The following DSC3 variants were observed in gnomAD, a reference collection of about 807,000 sequenced individuals.
DSC3 encodes the protein desmocollin-3.
DSC3 carries 97 observed loss-of-function variants against 89.5 expected under a neutral mutation model. That is an observed-to-expected ratio of 1.08 (90% CI 0.92 to 1.28). The LOEUF is 1.28. DSC3 is among the 50% of genes most tolerant of loss of function. The pLI is 0.00. For missense variants in DSC3, 1,199 were observed against 1,085.3 expected (o/e 1.10, Z -1.47); for synonymous variants, 436 against 384.1 (o/e 1.14, Z -1.58).
chr18:31,024,299 T>C (rs765769470), intron 6 of DSC3, 50 bp downstream of exon 6: 2 of 1,506,648 alleles, frequency 1.3e-6, no homozygotes, highest in African/African-American at 2.8e-5. Context: ...TTTTAAAATG[T>C]ACACAGACAT....
intron 9 of DSC3, among the ~76,000 whole-genome samples, chr18:31,011,961 T>C (rs1005242117): frequency 9.5e-5 from 5 of 52,614 alleles, no homozygotes; most frequent in African/African-American, 2.6e-4. Context: ...TTAAAAGTAC[T>C]CCATCTCCAA....
chr18:31,008,056 T>G lies in DSC3; in HGVS notation c.1623A>C (p.Lys541Asn). ...GGACTGTAATATTATACAACTCATT[T>G]TTGGGAGTTTCAACCTCCCTATCCA... ...KILDREVETP[K>N]NELYNITVLA... Residue 541 changes from lysine to asparagine, a missense_variant, in exon 11 of 16, where the codon AAA (lysine) becomes AAC (asparagine). Lys to Asn is a moderately conservative substitution (Grantham distance 94). Transcript: ENST00000360428. 6.2e-7 allele frequency: 1 copy of G among 1,613,496 alleles called. No individual in the cohort carries two copies. The highest frequency in any genetic ancestry group is 8.5e-7 in the Non-Finnish European group (1 of 1,179,690).
intron 4 of DSC3, among the ~76,000 whole-genome samples, chr18:31,028,518 A>G (rs1567959934): frequency 6.6e-6 from 1 of 152,060 alleles, no homozygotes; most frequent in Non-Finnish European, 1.5e-5. Flanking sequence ...TAAACAAATA[A>G]AGTTATAATA....
Position 31,006,978 on chromosome 18 carries a change from G to A in DSC3, c.1817C>T (p.Ala606Val), listed in dbSNP as rs771789418. 1.2e-6 allele frequency: 2 copies of A among 1,613,878 alleles called. No individual in the cohort carries two copies. Among genetic ancestry groups the A allele is most frequent in the African/African-American group, 2.7e-5 (2 of 75,012 alleles). Residue 606 changes from alanine to valine, a missense_variant, in exon 12 of 16, where the codon GCT (alanine) becomes GTT (valine). Physicochemically the swap from Ala to Val is moderately conservative, Grantham distance 64 (BLOSUM62 0). Coordinates refer to ENST00000360428, the MANE Select transcript of DSC3 (RefSeq NM_001941.5). Reference sequence around the variant, plus strand: ...ATTGGGCAAACTGAAATAAAATGGAGCTCCATGGACAGGTTCATCAGGATC... The same window carrying A: ...ATTGGGCAAACTGAAATAAAATGGAACTCCATGGACAGGTTCATCAGGATC... Reference protein sequence around the residue: ...AVDPDEPVHGAPFYFSLPNTS... With the variant: ...AVDPDEPVHGVPFYFSLPNTS...
chr18:31,000,753 T>C (rs1247168036), intron 14 of DSC3, among the ~76,000 whole-genome samples: 1 of 152,120 alleles, frequency 6.6e-6, no homozygotes, highest in East Asian at 1.9e-4. Context: ...TTCTTATTCT[T>C]TAAGTTACCA....
At chr18:30,996,583 A>G (rs1258607101) in intron 15 of DSC3, among the ~76,000 whole-genome samples, 1 of 152,166 alleles carries the variant, frequency 6.6e-6, no homozygotes, top group African/African-American at 2.4e-5. Flanking sequence ...TATTTATGGG[A>G]TTTTATAAAT....
chr18:31,000,958 C>T (rs56020661), intron 14 of DSC3, among the ~76,000 whole-genome samples: 37,671 of 150,296 alleles, frequency 0.25, 5,157 homozygotes, highest in East Asian at 0.59. Context: ...TAAGAACATG[C>T]CTTGTAAGTA....
chr18:31,018,377 T>C lies in DSC3; in HGVS notation c.1078-121A>G, dbSNP rs1985305544. 6.1e-6 allele frequency: 5 copies of C among 822,222 alleles called. No individual in the cohort carries two copies. The East Asian group carries it at 1.4e-4, about 22-fold the overall frequency. The allele number at this position is 822,222 out of a possible 1,614,324, so 50.9% of individuals were successfully genotyped here. A position where few individuals can be genotyped will look rare whatever the true frequency, so the allele number is the denominator to read the frequency against. The stretch of plus-strand genomic sequence containing the variant: ...TTTTATATAGATTATTTTAAAACTA[T>C]GAATCGTAAACACTATTGTTTCATT... On this transcript the variant is annotated intron_variant, in intron 8 of 15. Coordinates refer to ENST00000360428, the MANE Select transcript of DSC3 (RefSeq NM_001941.5).
Position 30,994,218 on chromosome 18 carries a change from T to A in DSC3, c.2648A>T (p.Glu883Val). Residue 883 changes from glutamate (E) to valine (V), a missense_variant, in exon 16 of 16, where the codon GAA (glutamate) becomes GTA (valine). Coordinates refer to ENST00000360428, the MANE Select transcript of DSC3 (RefSeq NM_001941.5). ...EDGLDFLNNL[E>V]PKFITLAEAC... ...TTCTGCTAATGTAATAAATTTGGGT[T>A]CCAAATTATTTAAAAAGTCAAGGCC... 1 of 1,614,080 alleles carries A rather than the reference T, an allele frequency of 6.2e-7. No homozygotes were observed. The highest frequency in any genetic ancestry group is 8.5e-7 in the Non-Finnish European group (1 of 1,179,984).
At chr18:31,006,457 G>A (rs1313585) in intron 12 of DSC3, among the ~76,000 whole-genome samples, 37,405 of 151,758 alleles carry the variant, frequency 0.25, 5,103 homozygotes, top group East Asian at 0.59. Flanking sequence ...CTGCCACCAC[G>A]CCCAGCTAAT....
Position 31,018,089 on chromosome 18 carries a change from A to C in DSC3, c.1245T>G (p.Gly415=). Residue 415 remains glycine (G), a synonymous_variant, in exon 9 of 16, where the codon GGT becomes GGG. Coordinates refer to ENST00000360428, the MANE Select transcript of DSC3 (RefSeq NM_001941.5). ...KISTDKETNE[G]VLSVVKPLNY... ...ACTGTACCTTTACAACAGAAAGAACACCTTCATTAGTTTCTTTGTCTGTGC... is the reference window on the plus strand; with the variant it reads ...ACTGTACCTTTACAACAGAAAGAACCCCTTCATTAGTTTCTTTGTCTGTGC... The C allele has an allele frequency of 2.5e-6, 4 of 1,612,484 alleles. No individual in the cohort carries two copies. Among genetic ancestry groups the C allele is most frequent in the Non-Finnish European group, 2.5e-6 (3 of 1,179,190 alleles).
At chr18:31,021,415 C>T (rs1212739890) in intron 7 of DSC3, among the ~76,000 whole-genome samples, 2 of 152,018 alleles carry the variant, frequency 1.3e-5, no homozygotes, top group African/African-American at 4.8e-5. Context: ...ATGCTCCGGC[C>T]CCATAAAAAA....
intron 9 of DSC3, among the ~76,000 whole-genome samples, chr18:31,017,462 C>G (rs929021143): frequency 6.6e-6 from 1 of 152,058 alleles, no homozygotes; most frequent in Non-Finnish European, 1.5e-5. Flanking sequence ...CTAGAATGTA[C>G]CAGCACCACC....
In DSC3 at chr18:31,032,207, T is replaced by G. The variant is rs760102661; in HGVS notation, c.139A>C (p.Lys47Gln). The G allele has an allele frequency of 6.2e-7, 1 of 1,613,108 alleles. No individual in the cohort carries two copies. The change falls in exon 2 of 16, where the codon AAA (lysine) becomes CAA (glutamine). Residue 47 changes from lysine to glutamine, a missense_variant. Coordinates refer to ENST00000360428, the MANE Select transcript of DSC3 (RefSeq NM_001941.5). ...LNVPSKLEAD[K>Q]IIGRVNLEEC... is the part of the protein sequence containing the mutation. ...AATTTCTCACCTCTGCCAATTATTT[T>G]GTCTGCCTCTAGTTTAGAAGGTACA...
In DSC3 at chr18:31,031,593, G is replaced by A. The variant is rs550808370; in HGVS notation, c.155-421C>T. Among the ~76,000 whole-genome samples, 13 of 152,252 alleles carry A rather than the reference G, an allele frequency of 8.5e-5. No homozygotes were observed. In the East Asian group the frequency reaches 2.5e-3, roughly 29 times the overall value. On this transcript the variant is annotated intron_variant, in intron 2 of 15. Transcript: ENST00000360428. ...TCAGTGAGAAGCCATGAGCCAAAGAGCAATGGAGTGTATGAGTTTGGTAAA... is the reference window on the plus strand; with the variant it reads ...TCAGTGAGAAGCCATGAGCCAAAGAACAATGGAGTGTATGAGTTTGGTAAA...
In DSC3 at chr18:31,008,618, G is replaced by A. The variant is rs1317847472; in HGVS notation, c.1264-93C>T. 4.0e-6 allele frequency: 6 copies of A among 1,492,130 alleles called. No homozygotes were observed. In the East Asian group the frequency reaches 1.4e-4, roughly 34 times the overall value. The allele number at this position is 1,492,130 out of a possible 1,614,324, so 92.4% of individuals were successfully genotyped here. On this transcript the variant is annotated intron_variant, in intron 9 of 15. Transcript: ENST00000360428. ...AACATTTGTCATCCTGACCAGTGCT[G>A]CATAAATTCTATGTTCACATGTTGT... is the stretch of plus-strand genomic sequence containing the variant.
chr18:31,017,499 T>G (rs1219748696), intron 9 of DSC3, among the ~76,000 whole-genome samples: 1 of 152,132 alleles, frequency 6.6e-6, no homozygotes, highest in African/African-American at 2.4e-5. Context: ...GAACAAAAAA[T>G]AAGTTCATTC....
At chr18:31,034,219 G>A (rs1985899189) in intron 1 of DSC3, among the ~76,000 whole-genome samples, 1 of 151,974 alleles carries the variant, frequency 6.6e-6, no homozygotes, top group Admixed American at 6.6e-5. Context: ...CAGAAAAACG[G>A]GCAGAGGATC....
At chr18:31,027,178 C>T (rs1165011049) in intron 4 of DSC3, among the ~76,000 whole-genome samples, 2 of 152,032 alleles carry the variant, frequency 1.3e-5, no homozygotes, top group African/African-American at 4.8e-5. Context: ...TCTACAGTGT[C>T]CTCTCATAAT....
Sources: gnomAD v4.1 joint callset for allele counts (sites outside exome capture counted in the v4.1 genomes callset) on GRCh38, gnomAD v4.1.1 for gene constraint, MANE v1.5 for transcripts, NCBI Gene and HGNC (gene_info 2026-07-23, HGNC 2026-07-21) for gene names.